The following CLPX variants were observed in gnomAD, a reference collection of about 807,000 sequenced individuals.
The protein encoded by CLPX is caseinolytic mitochondrial matrix peptidase chaperone subunit X.
CLPX carries 34 observed loss-of-function variants against 76.4 expected under a neutral mutation model. The ratio of observed to expected loss-of-function variants is 0.45; its 90% CI spans 0.34 to 0.59. The LOEUF (loss-of-function observed/expected upper bound fraction) is 0.59, where lower values mean the gene tolerates loss of function less well. Among genes scored for constraint, CLPX ranks in the 20% least tolerant of loss-of-function variants. The pLI is 0.01. For synonymous variants in CLPX, 248 were observed against 270.9 expected, an observed-to-expected ratio of 0.92 and a Z score of 0.83; for missense variants, 613 against 757.0, an observed-to-expected ratio of 0.81 and a Z score of 2.23.
intron 10 of CLPX, among the ~76,000 whole-genome samples, 187 bp from the exon 11 acceptor site, chr15:65,155,268 T>C (rs2087773341): frequency 6.6e-6 from 1 of 152,200 alleles, no homozygotes. Context: ...CTTATTGCTG[T>C]AAGTGGCAAA....
At chr15:65,183,476 A>G (rs2088207469) in intron 1 of CLPX, among the ~76,000 whole-genome samples, 2 of 151,000 alleles carry the variant, frequency 1.3e-5, no homozygotes, top group East Asian at 1.9e-4. Flanking sequence ...AAAAAAAAAA[A>G]AAAAAAGAAA....
intron 4 of CLPX, 92 bp downstream of exon 4, chr15:65,166,539 C>A: frequency 7.8e-7 from 1 of 1,284,852 alleles, no homozygotes; most frequent in Non-Finnish European, 1.1e-6. Flanking sequence ...TGTTTATATA[C>A]TAGTATTAGG....
intron 6 of CLPX, among the ~76,000 whole-genome samples, chr15:65,161,236 A>G (rs2087853029): frequency 6.6e-6 from 1 of 152,186 alleles, no homozygotes; most frequent in Non-Finnish European, 1.5e-5. Context: ...AAACAACATT[A>G]TATTCCAAAG....
At chr15:65,184,774 ATTTTG>A (rs1301823893) in intron 1 of CLPX, among the ~76,000 whole-genome samples, 1 of 152,250 alleles carries the variant, frequency 6.6e-6, no homozygotes. Context: ...TAACAGGAGC[ATTTTG>A]TGCCTTTCAG....
At chr15:65,172,169 G>C (rs1244831548) in intron 3 of CLPX, among the ~76,000 whole-genome samples, 1 of 152,010 alleles carries the variant, frequency 6.6e-6, no homozygotes, top group Non-Finnish European at 1.5e-5. Context: ...CTCCATGTTG[G>C]TCAGGCTGGT....
chr15:65,184,990 G>C lies in CLPX; in HGVS notation c.79+85C>G. On this transcript the variant is annotated intron_variant, in intron 1 of 13. Transcript: ENST00000300107. ...ACACTCCCCGGGTGCAGCAGGCCTC[G>C]TGCCCTCCCCGGGGCCCCCAACCAT... The C allele has an allele frequency of 5.1e-6, 6 of 1,177,578 alleles. No individual in the cohort carries two copies. In the South Asian group the frequency reaches 7.9e-5, roughly 15 times the overall value. The allele number at this position is 1,177,578 out of a possible 1,614,324, so 72.9% of individuals were successfully genotyped here. A position where few individuals can be genotyped will look rare whatever the true frequency, so the allele number is the denominator to read the frequency against.
At chr15:65,181,686 T>G (rs946352102) in intron 1 of CLPX, among the ~76,000 whole-genome samples, 12 of 151,474 alleles carry the variant, frequency 7.9e-5, no homozygotes, top group African/African-American at 2.7e-4. Context: ...GAGGCAGAGG[T>G]TGCAGTGAGC....
At chr15:65,177,029 T>C (rs771653583) in intron 3 of CLPX, among the ~76,000 whole-genome samples, 3 of 152,210 alleles carry the variant, frequency 2.0e-5, no homozygotes, top group African/African-American at 7.2e-5. Flanking sequence ...AATTTTATTA[T>C]ATCACATCAA....
intron 1 of CLPX, 35 bp from the exon 2 acceptor site, chr15:65,180,239 C>T (rs2088147356): frequency 1.3e-6 from 2 of 1,508,938 alleles, no homozygotes; most frequent in East Asian, 2.3e-5. Context: ...CAAATATAGA[C>T]ATGCCTCAAT....
Position 65,150,882 on chromosome 15 carries a change from A to G in CLPX, c.1843T>C (p.Tyr615His). 1 of 1,611,764 alleles carries G rather than the reference A, an allele frequency of 6.2e-7. No individual in the cohort carries two copies. Among genetic ancestry groups the G allele is most frequent in the South Asian group, 1.1e-5 (1 of 90,624 alleles). ...CCTTCTTCTTCAACTCCAGAGTCAT[A>G]CTCCTCTTCAGAGGATTCTTTTGTT... is the stretch of plus-strand genomic sequence containing the variant. The part of the protein sequence containing the change: ...APTKESSEEE[Y>H]DSGVEEEGWP... Residue 615 changes from tyrosine (Y) to histidine (H), a missense_variant, in exon 14 of 14, where the codon TAT becomes CAT. By Grantham distance (83) the Tyr-to-His change is moderately conservative (BLOSUM62 2). Transcript: ENST00000300107.
rs370149464 is a variant in CLPX, at chr15:65,155,672, A to G, written c.1311+20T>C. Reference sequence around the variant, plus strand: ...TTTAAATGCTCTCTATCCTTCTAGTAACCCCTCAGAAAAACTTACCTTTTC... The same window carrying G: ...TTTAAATGCTCTCTATCCTTCTAGTGACCCCTCAGAAAAACTTACCTTTTC... On this transcript the variant is annotated intron_variant, in intron 10 of 13. Transcript: ENST00000300107. The G allele has an allele frequency of 3.1e-6, 5 of 1,601,320 alleles. No individual in the cohort carries two copies. The highest frequency in any genetic ancestry group is 2.2e-5 in the East Asian group (1 of 44,744).
At chr15:65,173,510 A>T (rs1392461343) in intron 3 of CLPX, among the ~76,000 whole-genome samples, 1 of 152,194 alleles carries the variant, frequency 6.6e-6, no homozygotes, top group Admixed American at 6.6e-5. Context: ...GAAACTAAAC[A>T]GAGTTACCAC....
rs1341147069 is a variant in CLPX, at chr15:65,148,696, A to G, written c.*2127T>C. ...CCTAATAGCTTTAGTTTTTCCCTAA[A>G]AAAAACTGTGTAAAAGGAAAGCTCG... On this transcript the variant is annotated 3_prime_UTR_variant, in exon 14 of 14. Coordinates refer to ENST00000300107, the MANE Select transcript of CLPX (RefSeq NM_006660.5). 1.3e-5 allele frequency: 2 copies of G among 152,122 alleles called. No homozygotes were observed. The highest frequency in any genetic ancestry group is 2.9e-5 in the Non-Finnish European group (2 of 68,028). 9.4% of individuals were successfully genotyped at this position (152,122 alleles called of 1,614,324 possible).
At chr15:65,157,189 A>C (rs1335261275) in intron 8 of CLPX, among the ~76,000 whole-genome samples, 1 of 152,196 alleles carries the variant, frequency 6.6e-6, no homozygotes, top group African/African-American at 2.4e-5. Context: ...TTGCCCCACT[A>C]ATGTATATGA....
intron 6 of CLPX, 109 bp from the exon 7 acceptor site, chr15:65,158,860 G>T: frequency 1.1e-6 from 1 of 905,054 alleles, no homozygotes; most frequent in Non-Finnish European, 1.6e-6. Context: ...AAAAATTTAA[G>T]TATTTTGACA....
chr15:65,172,629 T>A (rs2088026131), intron 3 of CLPX, among the ~76,000 whole-genome samples: 1 of 151,974 alleles, frequency 6.6e-6, no homozygotes, highest in Non-Finnish European at 1.5e-5. Context: ...CGAAACTCCG[T>A]CTGGGGGGAA....
At chr15:65,179,982 T>C (rs2088141856) in intron 2 of CLPX, 62 bp downstream of exon 2, 3 of 1,240,280 alleles carry the variant, frequency 2.4e-6, no homozygotes, top group Non-Finnish European at 3.3e-6. Flanking sequence ...ACAGTACTGT[T>C]ATATTTTTTT....
At chr15:65,177,240 T>C (rs1285521048) in intron 3 of CLPX, among the ~76,000 whole-genome samples, 3 of 152,068 alleles carry the variant, frequency 2.0e-5, no homozygotes, top group Non-Finnish European at 4.4e-5. Flanking sequence ...GGCTAATTTT[T>C]GTATTTTTAG....
rs61002905 is a variant in CLPX at position 65,183,460 on chromosome 15, CAAAAAAAAAA to C, written c.79+1605_79+1614del. ...TGAGCGACAGAGCGAGACTCTGTCT[CAAAAAAAAAA>C]AAAAAAAAAAAAGAAAGAAAATAAG... On this transcript the variant is annotated intron_variant, in intron 1 of 13. Coordinates refer to ENST00000300107, the MANE Select transcript of CLPX (RefSeq NM_006660.5). 2.0e-3 allele frequency among the ~76,000 whole-genome samples: 133 copies of C among 66,272 alleles called. 1 individual carries two copies. The highest frequency in any genetic ancestry group is 7.9e-3 in the African/African-American group (126 of 15,924). 43.5% of individuals were successfully genotyped at this position (66,272 alleles called of 152,430 possible). A position where few individuals can be genotyped will look rare whatever the true frequency, so the allele number is the denominator to read the frequency against.
Sources: allele counts gnomAD v4.1 joint callset (sites outside exome capture counted in the v4.1 genomes callset), GRCh38; gene constraint gnomAD v4.1.1; transcripts MANE v1.5; gene names NCBI Gene and HGNC (gene_info 2026-07-23, HGNC 2026-07-21).